The following SLC9B2 variants were observed in gnomAD, a reference collection of about 807,000 sequenced individuals.
SLC9B2 encodes solute carrier family 9 member B2, also known as sodium/hydrogen exchanger 9B2.
Under a neutral mutation model 52.2 loss-of-function variants are expected in SLC9B2, and 39 were observed. The observed-to-expected ratio is 0.75, with a 90% CI of 0.58 to 0.98. SLC9B2 has a LOEUF of 0.98. Among genes scored for constraint, SLC9B2 ranks in the 50% least tolerant of loss-of-function variants. The pLI, the probability that SLC9B2 is intolerant of heterozygous loss-of-function variation, is 0.00. For missense variants in SLC9B2, 626 were observed against 637.5 expected, an observed-to-expected ratio of 0.98 and a Z score of 0.19; for synonymous variants, 214 against 227.0, an observed-to-expected ratio of 0.94 and a Z score of 0.51.
chr4:103,049,077 G>T, intron 5 of SLC9B2, 57 bp from the exon 6 acceptor site: 1 of 1,583,334 alleles, frequency 6.3e-7, no homozygotes, highest in South Asian at 1.2e-5. Context: ...CAGAGAAGAT[G>T]ACCTTGAATG....
chr4:103,055,155 T>C (rs746457732), intron 4 of SLC9B2, among the ~76,000 whole-genome samples: 17 of 148,692 alleles, frequency 1.1e-4, no homozygotes, highest in Non-Finnish European at 1.9e-4. Context: ...AACCAAACAC[T>C]GCATGTTCTC....
At chr4:103,073,812 AATCAGAATCT>A (rs1214297349) in intron 1 of SLC9B2, among the ~76,000 whole-genome samples, 1 of 152,218 alleles carries the variant, frequency 6.6e-6, no homozygotes, top group Non-Finnish European at 1.5e-5. Flanking sequence ...GGCCCACTAA[AATCAGAATCT>A]ACAGAGACCG....
At chr4:103,048,235 C>T (rs114727787) in intron 6 of SLC9B2, among the ~76,000 whole-genome samples, 46 of 152,256 alleles carry the variant, frequency 3.0e-4, no homozygotes, top group African/African-American at 5.3e-4. Context: ...TAATTTAATC[C>T]TCACAACAAC....
At chr4:103,060,378 G>C (rs1442427520) in intron 3 of SLC9B2, among the ~76,000 whole-genome samples, 6 of 150,952 alleles carry the variant, frequency 4.0e-5, no homozygotes, top group Non-Finnish European at 8.9e-5. Flanking sequence ...AGTTCAAGTT[G>C]GTTCTTCTTC....
chr4:103,077,247 C>T (rs1421923243), upstream of SLC9B2: 1 of 152,192 alleles, frequency 6.6e-6, no homozygotes, highest in East Asian at 1.9e-4. Context: ...ACCATTCATT[C>T]TTGTCTCTCA....
intron 6 of SLC9B2, 97 bp downstream of exon 6, chr4:103,048,796 T>C (rs1472310571): frequency 2.2e-6 from 3 of 1,390,048 alleles, no homozygotes; most frequent in Non-Finnish European, 2.9e-6. Context: ...TTTTCTGATA[T>C]CTATAAGAAA....
chr4:103,062,896 C>T (rs1349817296), intron 3 of SLC9B2, among the ~76,000 whole-genome samples: 1 of 152,180 alleles, frequency 6.6e-6, no homozygotes, highest in African/African-American at 2.4e-5. Context: ...AGGTTTGAGC[C>T]ACTGTGCCCA....
intron 2 of SLC9B2, 73 bp downstream of exon 2, chr4:103,067,388 T>C (rs1240732949): frequency 8.0e-6 from 11 of 1,379,026 alleles, no homozygotes; most frequent in Non-Finnish European, 1.0e-5. Flanking sequence ...TTGTGTAAGT[T>C]TGGGGATAGG....
downstream of SLC9B2, among the ~76,000 whole-genome samples, chr4:103,020,655 G>T (rs1206075155): frequency 6.6e-6 from 1 of 152,054 alleles, no homozygotes; most frequent in Non-Finnish European, 1.5e-5. Flanking sequence ...TGTTGACGTT[G>T]TTGAGACAGG....
At chr4:103,019,557 CA>C, downstream of SLC9B2, 1 of 984,798 alleles carries the variant, frequency 1.0e-6, no homozygotes, top group Non-Finnish European at 1.2e-6. Flanking sequence ...GGACTAGCGC[CA>C]AAGGGCTTGG....
At chr4:103,036,839 A>G (rs1026254438) in intron 9 of SLC9B2, among the ~76,000 whole-genome samples, 6 of 152,330 alleles carry the variant, frequency 3.9e-5, no homozygotes, top group South Asian at 4.1e-4. Context: ...AGATTTTCTC[A>G]TAACTGAAAA....
chr4:103,033,796 G>A (rs1742912024), intron 9 of SLC9B2, among the ~76,000 whole-genome samples: 1 of 152,100 alleles, frequency 6.6e-6, no homozygotes, highest in Admixed American at 6.6e-5. Flanking sequence ...AAACACTGCT[G>A]AAAGAAATCA....
At chr4:103,045,625 T>A (rs199527663) in intron 7 of SLC9B2, among the ~76,000 whole-genome samples, 10 of 143,518 alleles carry the variant, frequency 7.0e-5, no homozygotes, top group Non-Finnish European at 1.2e-4. Context: ...GGTGGGGGGG[T>A]GGGGCGGGGA....
intron 9 of SLC9B2, among the ~76,000 whole-genome samples, chr4:103,035,745 C>A (rs1177868415): frequency 6.6e-6 from 1 of 152,082 alleles, no homozygotes; most frequent in Non-Finnish European, 1.5e-5. Context: ...AATAGAACTA[C>A]CATTTGACAC....
rs1742441462 is a variant in SLC9B2, at chr4:103,028,792, T to G, written c.1347A>C (p.Glu449Asp). Residue 449 changes from glutamate to aspartate, a missense_variant, in exon 11 of 12, where the codon GAA becomes GAC. Coordinates refer to ENST00000394785, the MANE Select transcript of SLC9B2 (RefSeq NM_178833.7). ...MVCFAGFNLK[E>D]KIFISFAWLP... The stretch of plus-strand genomic sequence containing the variant: ...GCCATGCAAAAGAAATAAATATCTT[T>G]TCTTTTAAGTTAAAACCAGCAAAAC... 1.2e-6 allele frequency: 2 copies of G among 1,609,794 alleles called. No homozygotes were observed. Among genetic ancestry groups the G allele is most frequent in the Non-Finnish European group, 1.7e-6 (2 of 1,178,598 alleles).
intron 4 of SLC9B2, among the ~76,000 whole-genome samples, chr4:103,057,478 A>T (rs1035064929): frequency 6.6e-6 from 1 of 151,112 alleles, no homozygotes; most frequent in Non-Finnish European, 1.5e-5. Flanking sequence ...TAATTTTTGT[A>T]TTTTTTTTGT....
At chr4:103,059,197 C>A (rs925469742) in intron 3 of SLC9B2, among the ~76,000 whole-genome samples, 3 of 152,124 alleles carry the variant, frequency 2.0e-5, no homozygotes, top group Non-Finnish European at 4.4e-5. Flanking sequence ...CTAAGAAAAA[C>A]CAAAACAATC....
chr4:103,041,514 T>C (rs1743639830), intron 9 of SLC9B2, among the ~76,000 whole-genome samples: 1 of 152,230 alleles, frequency 6.6e-6, no homozygotes, highest in Admixed American at 6.5e-5. Context: ...TTCTGTGCTC[T>C]TATCCAGTGC....
downstream of SLC9B2, chr4:103,019,498 G>A (rs2110553857): frequency 1.2e-6 from 1 of 811,472 alleles, no homozygotes; most frequent in Non-Finnish European, 1.5e-6. Flanking sequence ...TGAGGGGGAG[G>A]AAAGGCCCTC....
Sources: gnomAD v4.1 joint callset for allele counts (sites outside exome capture counted in the v4.1 genomes callset) on GRCh38, gnomAD v4.1.1 for gene constraint, MANE v1.5 for transcripts, NCBI Gene and HGNC (gene_info 2026-07-23, HGNC 2026-07-21) for gene names.